KCNN2: variants seen among roughly 807,000 people sequenced by gnomAD.
KCNN2 encodes small conductance calcium-activated potassium channel protein 2.
In KCNN2, 24 loss-of-function variants were observed where a neutral mutation model predicts 55.5. That is an observed-to-expected ratio of 0.43 (90% CI 0.31 to 0.61). The LOEUF (loss-of-function observed/expected upper bound fraction) is 0.61. KCNN2 is among the 20% of genes least tolerant of loss of function. KCNN2 has a pLI of 0.08. For missense variants in KCNN2, 754 were observed against 853.6 expected, an observed-to-expected ratio of 0.88 and a Z score of 1.45; for synonymous variants, 431 against 336.1, an observed-to-expected ratio of 1.28 and a Z score of -3.09.
chr5:114,347,063 G>C (rs988995433), intron 2 of KCNN2, among the ~76,000 whole-genome samples: 4 of 152,154 alleles, frequency 2.6e-5, no homozygotes, highest in African/African-American at 9.7e-5. Context: ...GAATAAATAA[G>C]TACATTAGGA....
intron 2 of KCNN2, among the ~76,000 whole-genome samples, chr5:114,301,649 C>T (rs1756163563): frequency 6.6e-6 from 1 of 152,142 alleles, no homozygotes; most frequent in Non-Finnish European, 1.5e-5. Flanking sequence ...ACTAATATAA[C>T]TTGCCCCATT....
intron 2 of KCNN2, among the ~76,000 whole-genome samples, chr5:114,348,213 A>C (rs1757147926): frequency 1.4e-5 from 2 of 147,954 alleles, no homozygotes; most frequent in Admixed American, 1.4e-4. Context: ...TGAGATACCA[A>C]AGGGTGATAG....
chr5:114,440,209 C>G (rs1015638841), intron 3 of KCNN2, among the ~76,000 whole-genome samples: 1 of 152,070 alleles, frequency 6.6e-6, no homozygotes, highest in South Asian at 2.1e-4. Flanking sequence ...AAAAAACTTG[C>G]CACAATGATT....
intron 3 of KCNN2, among the ~76,000 whole-genome samples, chr5:114,447,364 G>A (rs1354584609): frequency 6.6e-6 from 1 of 152,222 alleles, no homozygotes; most frequent in Non-Finnish European, 1.5e-5. Context: ...ATTTGGCTAA[G>A]AGTTTGACTG....
intron 2 of KCNN2, among the ~76,000 whole-genome samples, chr5:114,222,972 A>G (rs1363340982): frequency 6.6e-6 from 1 of 152,208 alleles, no homozygotes; most frequent in African/African-American, 2.4e-5. Flanking sequence ...GCCATCTCTC[A>G]TAATCTCTAT....
chr5:114,159,171 C>T (rs1475077313), intron 1 of KCNN2, among the ~76,000 whole-genome samples: 3 of 152,100 alleles, frequency 2.0e-5, no homozygotes, highest in Non-Finnish European at 4.4e-5. Flanking sequence ...TTTTGAGATA[C>T]GTCCCATCAA....
At chr5:114,466,706 A>G (rs989029893) in intron 4 of KCNN2, among the ~76,000 whole-genome samples, 1 of 152,008 alleles carries the variant, frequency 6.6e-6, no homozygotes, top group Non-Finnish European at 1.5e-5. Context: ...TTTTTGGTTT[A>G]ATTATCTTTA....
In KCNN2 at chr5:114,092,718, G is replaced by A. The variant is rs187219709; in HGVS notation, c.-271+36218G>A. Reference sequence around the variant, plus strand: ...ATTCTTGAATCCTTTGCACCCACAGGCCCAACACCACTTGTAAGCCACCAA... The same window carrying A: ...ATTCTTGAATCCTTTGCACCCACAGACCCAACACCACTTGTAAGCCACCAA... On this transcript the variant is annotated intron_variant, in intron 1 of 10. Transcript: ENST00000512097. Among the ~76,000 whole-genome samples the A allele has an allele frequency of 1.2e-4, 18 of 152,252 alleles. No individual in the cohort carries two copies. In the East Asian group the frequency reaches 3.5e-3, roughly 30 times the overall value.
intron 1 of KCNN2, among the ~76,000 whole-genome samples, chr5:114,088,480 T>C (rs1751065075): frequency 6.6e-6 from 1 of 152,168 alleles, no homozygotes; most frequent in African/African-American, 2.4e-5. Context: ...TCTGTCCATT[T>C]TTTTTCCTGC....
At chr5:114,163,721 ATG>A (rs1423891755) in intron 1 of KCNN2, among the ~76,000 whole-genome samples, 4 of 152,106 alleles carry the variant, frequency 2.6e-5, no homozygotes, top group African/African-American at 9.7e-5. Context: ...GGGAGGAAGG[ATG>A]TGTGTCTTAT....
In KCNN2 at chr5:114,236,139, G is replaced by A. The variant is rs536057117; in HGVS notation, c.-185+14574G>A. On this transcript the variant is annotated intron_variant, in intron 2 of 10. Coordinates refer to the KCNN2 transcript ENST00000512097. Reference sequence around the variant, plus strand: ...CTTTTCTCCTCTTTAGGTTTTGGTAGTCCATTGTTATTCTTAAATTAGGCA... The same window carrying A: ...CTTTTCTCCTCTTTAGGTTTTGGTAATCCATTGTTATTCTTAAATTAGGCA... Among the ~76,000 whole-genome samples, 31 of 152,200 alleles carry A rather than the reference G, an allele frequency of 2.0e-4. No homozygotes were observed. The South Asian group carries it at 4.8e-3, about 23-fold the overall frequency.
intron 2 of KCNN2, among the ~76,000 whole-genome samples, chr5:114,356,523 T>C (rs1048346097): frequency 2.6e-4 from 40 of 152,204 alleles, no homozygotes; most frequent in African/African-American, 7.9e-4. Context: ...TACTTTTGTC[T>C]TTTTTTGCTG....
intron 2 of KCNN2, among the ~76,000 whole-genome samples, chr5:114,397,222 C>T (rs1758647619): frequency 6.6e-6 from 1 of 152,084 alleles, no homozygotes; most frequent in South Asian, 2.1e-4. Context: ...GATTTATAAT[C>T]CTTTGGGTAT....
At chr5:114,395,011 C>A (rs955646584) in intron 2 of KCNN2, among the ~76,000 whole-genome samples, 8 of 152,150 alleles carry the variant, frequency 5.3e-5, no homozygotes, top group Non-Finnish European at 1.2e-4. Flanking sequence ...AATTTTTAAG[C>A]CCCAGTTTTT....
chr5:114,458,998 G>A (rs1183274019), intron 3 of KCNN2, among the ~76,000 whole-genome samples: 1 of 152,220 alleles, frequency 6.6e-6, no homozygotes, highest in African/African-American at 2.4e-5. Flanking sequence ...GGGGAAGAAG[G>A]CACTGATTCC....
chr5:114,425,545 A>G (rs1759595549), intron 3 of KCNN2, among the ~76,000 whole-genome samples: 1 of 152,194 alleles, frequency 6.6e-6, no homozygotes, highest in African/African-American at 2.4e-5. Flanking sequence ...ACCTACCTGG[A>G]AAAACCAGCC....
intron 5 of KCNN2, among the ~76,000 whole-genome samples, chr5:114,485,429 A>G (rs543495889): frequency 6.6e-6 from 1 of 152,250 alleles, no homozygotes; most frequent in Admixed American, 6.5e-5. Flanking sequence ...CCTTAAAAGC[A>G]AGGTCCTCAA....
intron 1 of KCNN2, among the ~76,000 whole-genome samples, chr5:114,208,917 C>G (rs1442362224): frequency 1.3e-5 from 2 of 152,312 alleles, no homozygotes; most frequent in African/African-American, 2.4e-5. Flanking sequence ...CACAGTCTCT[C>G]CCAGTCATTA....
chr5:114,105,965 T>C (rs777360774), intron 1 of KCNN2, among the ~76,000 whole-genome samples: 37 of 152,030 alleles, frequency 2.4e-4, no homozygotes, highest in Non-Finnish European at 5.0e-4. Flanking sequence ...TAATTTGTTA[T>C]AGTCATAGTG....
Sources: gnomAD v4.1 joint callset for allele counts (sites outside exome capture counted in the v4.1 genomes callset) on GRCh38, gnomAD v4.1.1 for gene constraint, MANE v1.5 for transcripts, NCBI Gene and HGNC (gene_info 2026-07-23, HGNC 2026-07-21) for gene names.